ZFY: variants seen among roughly 807,000 people sequenced by gnomAD.
ZFY encodes the protein zinc finger Y-chromosomal protein.
For synonymous variants in ZFY, 47 were observed against 55.8 expected, an observed-to-expected ratio of 0.84 and a Z score of 0.71; for missense variants, 113 against 170.9, an observed-to-expected ratio of 0.66 and a Z score of 1.89.
intron 2 of ZFY, among the ~76,000 whole-genome samples, chrY:2,958,714 A>T: frequency 3.0e-5 from 1 of 33,773 alleles, no homozygotes. Flanking sequence ...GGTTCTAAAT[A>T]CATAATGCTA....
chrY:2,946,059 A>G (rs754383179), intron 1 of ZFY, among the ~76,000 whole-genome samples: 6 of 33,242 alleles, frequency 1.8e-4, no homozygotes, highest in Non-Finnish European at 4.4e-4. Context: ...AATTTTTTAA[A>G]AAACTAGAAT....
chrY:2,970,920 A>G (rs2051346321), intron 3 of ZFY, among the ~76,000 whole-genome samples: 1 of 33,294 alleles, frequency 3.0e-5, no homozygotes, highest in South Asian at 6.7e-4. Flanking sequence ...TTTTCTTTAC[A>G]CTGCAGTTTG....
At chrY:2,944,122 T>C (rs2051254640) in intron 1 of ZFY, among the ~76,000 whole-genome samples, 1 of 33,573 alleles carries the variant, frequency 3.0e-5, no homozygotes, top group Non-Finnish European at 7.4e-5. Flanking sequence ...ATATAAAGGC[T>C]CATGCTACAA....
rs2051397347 is a variant in ZFY at position 2,980,600 on chromosome Y, A to G, written c.*607A>G. ...CTTAACTTTCATTAATAGTGTTTAC[A>G]TCTTTTGTCAGCACAGCAAACTTTT... On this transcript the variant is annotated 3_prime_UTR_variant, in exon 8 of 8. Transcript: ENST00000155093. 8.6e-5 allele frequency: 3 copies of G among 34,706 alleles called. No individual in the cohort carries two copies. The East Asian group carries it at 2.2e-3, about 26-fold the overall frequency. 8.7% of individuals were successfully genotyped at this position (34,706 alleles called of 400,897 possible).
chrY:2,971,495 C>A (rs2051347801), intron 3 of ZFY, among the ~76,000 whole-genome samples: 1 of 33,322 alleles, frequency 3.0e-5, no homozygotes, highest in African/African-American at 1.2e-4. Context: ...GTCCCCCTAC[C>A]TGCTGTATCC....
At chrY:2,954,067 A>C in intron 2 of ZFY, 70 bp downstream of exon 2, 2 of 239,118 alleles carry the variant, frequency 8.4e-6, no homozygotes, top group Non-Finnish European at 1.3e-5. Flanking sequence ...AAATTGCAGA[A>C]TCTGATGTTA....
intron 6 of ZFY, among the ~76,000 whole-genome samples, chrY:2,977,027 A>G: frequency 3.6e-5 from 1 of 27,521 alleles, no homozygotes; most frequent in Non-Finnish European, 8.5e-5. Context: ...AATATTTTTA[A>G]AAAATTAGCC....
intron 1 of ZFY, among the ~76,000 whole-genome samples, chrY:2,942,325 A>AT (rs745651931): frequency 0.033 from 173 of 5,182 alleles, no homozygotes; most frequent in Non-Finnish European, 0.054. Context: ...TGCAATTTGC[A>AT]TTTTTTTTTT....
chrY:2,956,214 C>T, intron 2 of ZFY, among the ~76,000 whole-genome samples: 1 of 32,493 alleles, frequency 3.1e-5, no homozygotes, highest in Non-Finnish European at 7.5e-5. Context: ...AATCAGCGTT[C>T]CCCACCTTTT....
intron 7 of ZFY, among the ~76,000 whole-genome samples, chrY:2,978,586 A>AT (rs2051386137): frequency 1.4e-4 from 4 of 28,834 alleles, no homozygotes; most frequent in African/African-American, 2.7e-4. Flanking sequence ...TGCTTGATTG[A>AT]TTTTTTTTTT....
chrY:2,968,038 A>G (rs2051334615), intron 3 of ZFY, among the ~76,000 whole-genome samples: 2 of 33,155 alleles, frequency 6.0e-5, no homozygotes, highest in African/African-American at 1.2e-4. Flanking sequence ...AATTACAGGT[A>G]GACATTTTCA....
intron 1 of ZFY, among the ~76,000 whole-genome samples, chrY:2,946,036 A>G (rs2051261438): frequency 3.0e-5 from 1 of 33,281 alleles, no homozygotes; most frequent in Non-Finnish European, 7.4e-5. Context: ...TCTACCTCTT[A>G]TAAAAATTGT....
chrY:2,961,636 A>G lies in ZFY; in HGVS notation c.624A>G (p.Leu208=). The stretch of plus-strand genomic sequence containing the variant: ...ACAAAGCCAGCTGTGAGGACTACCT[A>G]ATGATTTCGTGTAAGTCATGGGGTA... ...DNDKASCEDY[L]MISLDDAGKI... is the part of the protein sequence containing the mutation. Residue 208 remains leucine, a synonymous_variant, in exon 3 of 8, where the codon CTA becomes CTG. Coordinates refer to ENST00000155093, the MANE Select transcript of ZFY (RefSeq NM_003411.4). The G allele has an allele frequency of 2.5e-6, 1 of 397,683 alleles. No individual in the cohort carries two copies. Among genetic ancestry groups the G allele is most frequent in the Non-Finnish European group, 3.5e-6 (1 of 282,660 alleles).
At chrY:2,966,717 A>C in intron 3 of ZFY, 1 of 33,309 alleles carries the variant, frequency 3.0e-5, no homozygotes, top group Non-Finnish European at 7.4e-5. Flanking sequence ...CAAAAGACAG[A>C]TACATTTTTT....
intron 1 of ZFY, among the ~76,000 whole-genome samples, chrY:2,952,186 C>T (rs2051280895): frequency 3.0e-5 from 1 of 33,084 alleles, no homozygotes. Context: ...CCTCAGCTTC[C>T]TAAAGTCCTG....
At chrY:2,960,933 G>T in intron 2 of ZFY, 141 bp from the exon 3 acceptor site, 1 of 156,793 alleles carries the variant, frequency 6.4e-6, no homozygotes, top group East Asian at 1.2e-4. Context: ...AATCAAAAGT[G>T]GATTCATTCT....
intron 1 of ZFY, among the ~76,000 whole-genome samples, chrY:2,946,194 A>G: frequency 6.2e-5 from 2 of 32,253 alleles, no homozygotes; most frequent in Non-Finnish European, 1.5e-4. Context: ...AAGCAATCCA[A>G]TCACCTTGGC....
chrY:2,976,108 GT>G (rs776753668), intron 5 of ZFY, among the ~76,000 whole-genome samples: 5 of 23,474 alleles, frequency 2.1e-4, no homozygotes, highest in Non-Finnish European at 2.0e-4. Flanking sequence ...TACAAGGTGT[GT>G]TTTTTTTTTT....
At chrY:2,974,969 G>C in intron 3 of ZFY, 126 bp from the exon 4 acceptor site, 1 of 209,332 alleles carries the variant, frequency 4.8e-6, no homozygotes. Flanking sequence ...AAATAAAACA[G>C]AATACTTGTA....
Sources: gnomAD v4.1 joint callset for allele counts (sites outside exome capture counted in the v4.1 genomes callset) on GRCh38, gnomAD v4.1.1 for gene constraint, MANE v1.5 for transcripts, NCBI Gene and HGNC (gene_info 2026-07-23, HGNC 2026-07-21) for gene names.